Variants in LARGE1 observed in about 807,000 individuals in gnomAD.
LARGE1 encodes xylosyl- and glucuronyltransferase LARGE1.
Under a neutral mutation model 87.6 loss-of-function variants are expected in LARGE1, and 43 were observed. That is an observed-to-expected ratio of 0.49 (90% CI 0.38 to 0.63). LARGE1 has a LOEUF of 0.63. Among genes scored for constraint, LARGE1 ranks in the 30% least tolerant of loss-of-function variants. The pLI is 0.00. For synonymous variants in LARGE1, 434 were observed against 394.6 expected (o/e 1.10, Z -1.18); for missense variants, 802 against 1,000.2 (o/e 0.80, Z 2.67).
At chr22:33,146,511 G>A in the LARGE1 span, among the ~76,000 whole-genome samples, 9 of 152,144 alleles carry the variant, frequency 5.9e-5, no homozygotes, top group Admixed American at 5.9e-4. Flanking sequence ...AGACTCAGTT[G>A]GCTTATGTCT....
chr22:33,203,714 CTT>C (rs1468372918), intron 11 of LARGE1, among the ~76,000 whole-genome samples: 5 of 152,166 alleles, frequency 3.3e-5, no homozygotes, highest in African/African-American at 1.2e-4. Flanking sequence ...GTTTCTGTGA[CTT>C]TGCTGCCGCT....
intron 11 of LARGE1, among the ~76,000 whole-genome samples, chr22:33,219,259 AT>A (rs1206165978): frequency 6.6e-6 from 1 of 152,110 alleles, no homozygotes; most frequent in African/African-American, 2.4e-5. Context: ...ATGAATCCAT[AT>A]CTATAAGATC....
intron 6 of LARGE1, among the ~76,000 whole-genome samples, chr22:33,432,909 A>G (rs1569158760): frequency 6.6e-6 from 1 of 152,192 alleles, no homozygotes; most frequent in East Asian, 1.9e-4. Flanking sequence ...TCAATACAAG[A>G]GTGTTGTCTA....
At chr22:33,301,632 T>C (rs1055932355) in intron 12 of LARGE1, among the ~76,000 whole-genome samples, 40 of 152,176 alleles carry the variant, frequency 2.6e-4, no homozygotes, top group African/African-American at 7.2e-4. Context: ...GGTCTCTCTA[T>C]TGAATTGTAC....
intron 2 of LARGE1, among the ~76,000 whole-genome samples, chr22:33,662,076 CAA>C (rs34470280): frequency 3.1e-4 from 17 of 54,904 alleles, no homozygotes; most frequent in African/African-American, 7.1e-4. Flanking sequence ...GCTTAGGAGC[CAA>C]AAAAAAAAAA....
intron 6 of LARGE1, among the ~76,000 whole-genome samples, chr22:33,539,314 C>T (rs2077125098): frequency 6.6e-6 from 1 of 151,592 alleles, no homozygotes; most frequent in Admixed American, 6.6e-5. Flanking sequence ...AATAAAAGAA[C>T]TGGTAAATAA....
chr22:33,698,923 T>C (rs372091493), intron 2 of LARGE1, among the ~76,000 whole-genome samples: 67 of 152,296 alleles, frequency 4.4e-4, no homozygotes, highest in African/African-American at 1.6e-3. Context: ...AATGACTCAA[T>C]CTTATATACC....
At chr22:33,687,406 A>G (rs1404479892) in intron 2 of LARGE1, among the ~76,000 whole-genome samples, 3 of 149,524 alleles carry the variant, frequency 2.0e-5, no homozygotes, top group Admixed American at 6.7e-5. Context: ...TTTAAATAAT[A>G]TTCATTACCA....
intron 2 of LARGE1, among the ~76,000 whole-genome samples, chr22:33,720,308 G>A (rs534515766): frequency 1.2e-3 from 181 of 152,202 alleles, no homozygotes; most frequent in African/African-American, 4.0e-3. Flanking sequence ...GATCTGACAG[G>A]AGGCGGAGCT....
At chr22:33,506,664 G>A (rs2070780623) in intron 6 of LARGE1, among the ~76,000 whole-genome samples, 1 of 152,208 alleles carries the variant, frequency 6.6e-6, no homozygotes, top group Non-Finnish European at 1.5e-5. Flanking sequence ...ACTTTGGGAG[G>A]CTGAGGCGGG....
chr22:33,795,256 T>C (rs2085943588), intron 1 of LARGE1, among the ~76,000 whole-genome samples: 1 of 152,226 alleles, frequency 6.6e-6, no homozygotes, highest in Non-Finnish European at 1.5e-5. Context: ...TTTAAGTACT[T>C]AACACTTAGC....
intron 6 of LARGE1, among the ~76,000 whole-genome samples, chr22:33,447,337 G>A (rs1248893883): frequency 2.0e-5 from 3 of 152,210 alleles, no homozygotes; most frequent in Non-Finnish European, 4.4e-5. Context: ...TGGAGATGAG[G>A]GGAGAGGTAA....
At chr22:33,180,105 A>G (rs1465025131) in intron 11 of LARGE1, among the ~76,000 whole-genome samples, 1 of 152,212 alleles carries the variant, frequency 6.6e-6, no homozygotes, top group Non-Finnish European at 1.5e-5. Context: ...GGCCCTCACC[A>G]GCCAGCACCT....
intron 1 of LARGE1, among the ~76,000 whole-genome samples, chr22:33,855,668 C>A (rs532902676): frequency 6.6e-6 from 1 of 152,146 alleles, no homozygotes; most frequent in Non-Finnish European, 1.5e-5. Context: ...AGCCCTCTGC[C>A]CCCAGGAACC....
At chr22:33,694,537 G>A (rs1055127073) in intron 2 of LARGE1, among the ~76,000 whole-genome samples, 4 of 152,036 alleles carry the variant, frequency 2.6e-5, no homozygotes, top group African/African-American at 4.8e-5. Flanking sequence ...AGAATCTGGT[G>A]GAATATTTTT....
chr22:33,541,181 A>G (rs2077194215), intron 6 of LARGE1, among the ~76,000 whole-genome samples: 1 of 130,236 alleles, frequency 7.7e-6, no homozygotes. Context: ...CCCTGTCTCA[A>G]AAAAAGTGGG....
At chr22:33,544,267 T>G (rs1444084102) in intron 6 of LARGE1, among the ~76,000 whole-genome samples, 1 of 152,226 alleles carries the variant, frequency 6.6e-6, no homozygotes, top group African/African-American at 2.4e-5. Context: ...TGACATACAC[T>G]GAGTCTTGTG....
intron 1 of LARGE1, among the ~76,000 whole-genome samples, chr22:33,814,742 G>A (rs1014956960): frequency 1.6e-4 from 25 of 152,196 alleles, no homozygotes; most frequent in Admixed American, 1.4e-3. Flanking sequence ...GTGTGTGTGT[G>A]TGTGTGTGTT....
At chr22:33,256,620 C>T (rs1927288047) in intron 11 of LARGE1, among the ~76,000 whole-genome samples, 1 of 152,088 alleles carries the variant, frequency 6.6e-6, no homozygotes, top group Non-Finnish European at 1.5e-5. Flanking sequence ...AATTATTGTT[C>T]CAGTCATGCA....
Sources: gnomAD v4.1 joint callset for allele counts (sites outside exome capture counted in the v4.1 genomes callset) on GRCh38, gnomAD v4.1.1 for gene constraint, MANE v1.5 for transcripts, NCBI Gene and HGNC (gene_info 2026-07-23, HGNC 2026-07-21) for gene names.